SUGT1: variants seen among roughly 807,000 people sequenced by gnomAD.
The protein encoded by SUGT1 is SGT1 assembly cochaperone of MIS12 kinetochore complex.
SUGT1 carries 15 observed loss-of-function variants against 56.1 expected under a neutral mutation model. The observed-to-expected ratio is 0.27, with a 90% CI of 0.18 to 0.41. The LOEUF is 0.41. SUGT1 is among the 10% of genes least tolerant of loss of function. The probability of loss-of-function intolerance (pLI) is 1.00; values close to 1 mark genes in which losing one functional copy is unlikely to be tolerated. For missense variants in SUGT1, 347 were observed against 382.2 expected, an observed-to-expected ratio of 0.91 and a Z score of 0.77; for synonymous variants, 123 against 128.6, an observed-to-expected ratio of 0.96 and a Z score of 0.30.
At position 52,694,690 on chromosome 13, in the gene SUGT1, G is replaced by A. The variant is rs1963872380; in HGVS notation, c.*6855G>A. 1 of 152,206 alleles carries A rather than the reference G, an allele frequency of 6.6e-6. No individual in the cohort carries two copies. The highest frequency in any genetic ancestry group is 1.5e-5 in the Non-Finnish European group (1 of 68,060). 9.4% of individuals were successfully genotyped at this position (152,206 alleles called of 1,614,324 possible). A position where few individuals can be genotyped will look rare whatever the true frequency, so the allele number is the denominator to read the frequency against. On this transcript the variant is annotated 3_prime_UTR_variant, in exon 13 of 13. Coordinates refer to ENST00000310528, the MANE Select transcript of SUGT1 (RefSeq NM_006704.5). ...AAGAAGCTGATATTTGTTTGTGTTT[G>A]TTTTTGTTTTTGTTTTTGAGACGGA...
chr13:52,653,942 G>C (rs1962040421), intron 2 of SUGT1, among the ~76,000 whole-genome samples: 1 of 152,186 alleles, frequency 6.6e-6, no homozygotes, highest in Admixed American at 6.5e-5. Flanking sequence ...CATGGTACTA[G>C]AGCCTCCGTT....
chr13:52,696,588 C>G lies in SUGT1; in HGVS notation c.*8753C>G, dbSNP rs1963940223. 6.6e-6 allele frequency: 1 copy of G among 152,058 alleles called. No individual in the cohort carries two copies. The highest frequency in any genetic ancestry group is 1.5e-5 in the Non-Finnish European group (1 of 68,026). The allele number at this position is 152,058 out of a possible 1,614,324, so 9.4% of individuals were successfully genotyped here. A position where few individuals can be genotyped will look rare whatever the true frequency, so the allele number is the denominator to read the frequency against. The stretch of plus-strand genomic sequence containing the variant: ...TGGGGTTTTTTAAAAATGTCAAGCC[C>G]TTAAAGTTGATCATTTATTTGTCAA... On this transcript the variant is annotated 3_prime_UTR_variant, in exon 13 of 13. Transcript: ENST00000310528.
rs942124237 is a variant in SUGT1, at chr13:52,652,859, G to T, written c.-62G>T. ...TTCTCCAGAAGTTTCCCCCTTGGGC[G>T]GTGGTGGAGGTGGTAACCGTGATAG... is the stretch of plus-strand genomic sequence containing the variant. On this transcript the variant is annotated 5_prime_UTR_variant, in exon 1 of 13. Transcript: ENST00000310528. 16 of 1,585,874 alleles carry T rather than the reference G, an allele frequency of 1.0e-5. No homozygotes were observed. In the South Asian group the frequency reaches 1.7e-4, roughly 17 times the overall value.
At chr13:52,652,993 A>G in intron 1 of SUGT1, 35 bp downstream of exon 1, 2 of 1,614,066 alleles carry the variant, frequency 1.2e-6, no homozygotes, top group Non-Finnish European at 1.7e-6. Context: ...TATTTATTTT[A>G]TCCCCCTTTC....
chr13:52,679,071 T>C (rs564544753), intron 11 of SUGT1, among the ~76,000 whole-genome samples: 2 of 152,248 alleles, frequency 1.3e-5, no homozygotes, highest in South Asian at 4.1e-4. Context: ...TGATTCTTTT[T>C]AGTAATGTAG....
intron 12 of SUGT1, among the ~76,000 whole-genome samples, chr13:52,684,038 A>G (rs9526978): frequency 0.96 from 145,556 of 152,136 alleles, 69,649 homozygotes; most frequent in East Asian, 0.99. Context: ...GTGCCGTCAC[A>G]TCCAACTAAT....
rs1448278672 is a variant in SUGT1 at position 52,680,186 on chromosome 13, G to A, written c.900+31G>A. On this transcript the variant is annotated intron_variant, in intron 12 of 12. Transcript: ENST00000310528. ...AATATAAACTTAAAGAAATATATAT[G>A]GGAGCAAATTTTACATATTTTAAAC... 5.2e-6 allele frequency: 8 copies of A among 1,524,218 alleles called. No individual in the cohort carries two copies. In the South Asian group the frequency reaches 9.1e-5, roughly 17 times the overall value. 94.4% of individuals were successfully genotyped at this position (1,524,218 alleles called of 1,614,324 possible).
chr13:52,685,266 T>C (rs1322817079), intron 12 of SUGT1, among the ~76,000 whole-genome samples: 1 of 148,130 alleles, frequency 6.8e-6, no homozygotes, highest in Non-Finnish European at 1.5e-5. Context: ...CTTTTTTTTT[T>C]TTTTTTTTTT....
rs914932473 is a variant in SUGT1, at chr13:52,691,054, C to G, written c.*3219C>G. On this transcript the variant is annotated 3_prime_UTR_variant, in exon 13 of 13. Coordinates refer to ENST00000310528, the MANE Select transcript of SUGT1 (RefSeq NM_006704.5). ...GCCTGGCCCACATTTTCATTCTTGG[C>G]TCACTGTAGCCTTAATCTTTCAGGC... 2 of 151,926 alleles carry G rather than the reference C, an allele frequency of 1.3e-5. No homozygotes were observed. Among genetic ancestry groups the G allele is most frequent in the African/African-American group, 4.8e-5 (2 of 41,306 alleles). 9.4% of individuals were successfully genotyped at this position (151,926 alleles called of 1,614,324 possible). A position where few individuals can be genotyped will look rare whatever the true frequency, so the allele number is the denominator to read the frequency against.
Position 52,694,252 on chromosome 13 carries a change from G to A in SUGT1, c.*6417G>A, listed in dbSNP as rs1963859569. On this transcript the variant is annotated 3_prime_UTR_variant, in exon 13 of 13. Transcript: ENST00000310528. ...GACAGATAACATCAGATGATCCTAG[G>A]CTGGAAGGTGGAAATCCTAGAGAAG... 1 of 152,190 alleles carries A rather than the reference G, an allele frequency of 6.6e-6. No homozygotes were observed. Among genetic ancestry groups the A allele is most frequent in the Admixed American group, 6.5e-5 (1 of 15,276 alleles). The allele number at this position is 152,190 out of a possible 1,614,324, so 9.4% of individuals were successfully genotyped here. A position where few individuals can be genotyped will look rare whatever the true frequency, so the allele number is the denominator to read the frequency against.
At position 52,693,419 on chromosome 13, in the gene SUGT1, A is replaced by G. The variant is rs1161635505; in HGVS notation, c.*5584A>G. 6 of 152,212 alleles carry G rather than the reference A, an allele frequency of 3.9e-5. No homozygotes were observed. Among genetic ancestry groups the G allele is most frequent in the Admixed American group, 6.5e-5 (1 of 15,284 alleles). 9.4% of individuals were successfully genotyped at this position (152,212 alleles called of 1,614,324 possible). On this transcript the variant is annotated 3_prime_UTR_variant, in exon 13 of 13. Coordinates refer to ENST00000310528, the MANE Select transcript of SUGT1 (RefSeq NM_006704.5). ...GCCACAGAAGATCTAAATAATAAAC[A>G]ATTGCGCATACTATTAATATATATT...
intron 6 of SUGT1, 143 bp downstream of exon 6, chr13:52,662,845 C>A: frequency 1.1e-6 from 1 of 900,804 alleles, no homozygotes; most frequent in Non-Finnish European, 1.7e-6. Flanking sequence ...TCCAAAGATA[C>A]ACTGGTTTTT....
chr13:52,666,950 A>G (rs769104975), intron 10 of SUGT1, 31 bp downstream of exon 10: 17 of 1,467,262 alleles, frequency 1.2e-5, no homozygotes, highest in Non-Finnish European at 1.5e-5. Flanking sequence ...GTTACTAGTA[A>G]TATTTTCAAA....
chr13:52,663,037 A>C, intron 6 of SUGT1, 59 bp from the exon 7 acceptor site: 3 of 1,572,388 alleles, frequency 1.9e-6, no homozygotes, highest in Non-Finnish European at 1.7e-6. Flanking sequence ...AATCATACAA[A>C]TAACTTTGCT....
intron 10 of SUGT1, among the ~76,000 whole-genome samples, chr13:52,675,959 A>T (rs1963123061): frequency 6.6e-6 from 1 of 152,128 alleles, no homozygotes; most frequent in East Asian, 1.9e-4. Flanking sequence ...CTGGTTCAGA[A>T]CATTGCTTTG....
chr13:52,657,107 G>A (rs745566333), intron 2 of SUGT1, among the ~76,000 whole-genome samples: 1 of 152,196 alleles, frequency 6.6e-6, no homozygotes, highest in Non-Finnish European at 1.5e-5. Flanking sequence ...CTGAGTGCTA[G>A]ATTTAACTTC....
In SUGT1 at chr13:52,688,448, A is replaced by G. The variant is rs534679055; in HGVS notation, c.*613A>G. 18 of 152,328 alleles carry G rather than the reference A, an allele frequency of 1.2e-4. No homozygotes were observed. The highest frequency in any genetic ancestry group is 4.3e-4 in the African/African-American group (18 of 41,588). 9.4% of individuals were successfully genotyped at this position (152,328 alleles called of 1,614,324 possible). On this transcript the variant is annotated 3_prime_UTR_variant, in exon 13 of 13. Coordinates refer to ENST00000310528, the MANE Select transcript of SUGT1 (RefSeq NM_006704.5). The stretch of plus-strand genomic sequence containing the variant: ...GTTACCTTGCAAGTTTCTGTATAAA[A>G]CATAGATACCTGAGTTTTAACACAC...
chr13:52,667,617 G>C (rs1038920016), intron 10 of SUGT1, among the ~76,000 whole-genome samples: 5 of 151,966 alleles, frequency 3.3e-5, no homozygotes, highest in Non-Finnish European at 5.9e-5. Flanking sequence ...CTATTATGAG[G>C]GAACAATGAG....
At chr13:52,653,327 G>A (rs368590282) in intron 2 of SUGT1, among the ~76,000 whole-genome samples, 59 of 152,186 alleles carry the variant, frequency 3.9e-4, no homozygotes, top group African/African-American at 1.4e-3. Flanking sequence ...TACAGCTCCT[G>A]AGAAAAACCT....
Sources: gnomAD v4.1 joint callset for allele counts (sites outside exome capture counted in the v4.1 genomes callset) on GRCh38, gnomAD v4.1.1 for gene constraint, MANE v1.5 for transcripts, NCBI Gene and HGNC (gene_info 2026-07-23, HGNC 2026-07-21) for gene names.